The following TECPR1 variants were observed in gnomAD, a reference collection of about 807,000 sequenced individuals.
TECPR1 encodes tectonin beta-propeller repeat-containing protein 1.
TECPR1 carries 122 observed loss-of-function variants against 162.4 expected under a neutral mutation model. That is an observed-to-expected ratio of 0.75 (90% CI 0.65 to 0.87). The LOEUF (loss-of-function observed/expected upper bound fraction) is 0.87. Among genes scored for constraint, TECPR1 ranks in the 40% least tolerant of loss-of-function variants. The probability of loss-of-function intolerance (pLI) is 0.00; values close to 1 mark genes in which losing one functional copy is unlikely to be tolerated. For missense variants in TECPR1, 1,432 were observed against 1,618.2 expected, an observed-to-expected ratio of 0.88 and a Z score of 1.97; for synonymous variants, 642 against 670.6, an observed-to-expected ratio of 0.96 and a Z score of 0.66.
intron 11 of TECPR1, 129 bp downstream of exon 11, chr7:98,233,292 G>A (rs1798498076): frequency 3.2e-6 from 4 of 1,240,468 alleles, no homozygotes; most frequent in South Asian, 2.0e-5. Context: ...CAGAGCTGCT[G>A]AGCACAGTGA....
rs995289371 is a variant in TECPR1, at chr7:98,217,388, C to G, written c.*2G>C. The G allele has an allele frequency of 3.3e-5, 51 of 1,558,736 alleles. No individual in the cohort carries two copies. Among genetic ancestry groups the G allele is most frequent in the Non-Finnish European group, 2.9e-5 (33 of 1,147,424 alleles). On this transcript the variant is annotated 3_prime_UTR_variant, in exon 26 of 26. Coordinates refer to ENST00000447648, the MANE Select transcript of TECPR1 (RefSeq NM_015395.3). ...CCCTGCATGTAGGTGTGTGGGGGGG[C>G]CTCAGCAGCAGACGGGGCCATGGGC...
At chr7:98,250,673 A>C (rs918127432) in intron 2 of TECPR1, among the ~76,000 whole-genome samples, 6 of 152,092 alleles carry the variant, frequency 3.9e-5, no homozygotes, top group African/African-American at 1.2e-4. Context: ...AACAACAACA[A>C]AACAAAGATA....
intron 17 of TECPR1, among the ~76,000 whole-genome samples, chr7:98,226,142 C>T (rs1304044494): frequency 6.6e-6 from 1 of 152,194 alleles, no homozygotes; most frequent in Non-Finnish European, 1.5e-5. Flanking sequence ...CTGCCCTGCC[C>T]TGTCCTCCGT....
chr7:98,224,845 C>A lies in TECPR1; in HGVS notation c.2646G>T (p.Gly882=). ...ACTGCCACCCCTCCTGGTCCGTGCCCCCCGGAACGCTGAAATCCACGAACC... is the reference window on the plus strand; with the variant it reads ...ACTGCCACCCCTCCTGGTCCGTGCCACCCGGAACGCTGAAATCCACGAACC... ...SDWFVDFSVP[G]GTDQEGWQYA... The change falls in exon 19 of 26, where the codon GGG becomes GGT. Residue 882 remains glycine, a synonymous_variant. Transcript: ENST00000447648. 1 of 1,576,172 alleles carries A rather than the reference C, an allele frequency of 6.3e-7. No homozygotes were observed. Among genetic ancestry groups the A allele is most frequent in the Admixed American group, 1.8e-5 (1 of 54,234 alleles).
intron 16 of TECPR1, 121 bp downstream of exon 16, chr7:98,228,918 C>T: frequency 7.3e-7 from 1 of 1,374,984 alleles, no homozygotes; most frequent in Non-Finnish European, 9.7e-7. Flanking sequence ...CACCTGTCAG[C>T]CAGCTGTTAG....
At chr7:98,244,235 T>C (rs1798841212) in intron 5 of TECPR1, among the ~76,000 whole-genome samples, 1 of 152,190 alleles carries the variant, frequency 6.6e-6, no homozygotes, top group South Asian at 2.1e-4. Context: ...TTCTGGGTCA[T>C]GGAGCAACGC....
chr7:98,217,092 CAGAAGGGAGAGG>C lies in TECPR1; in HGVS notation c.*286_*297del, dbSNP rs978598285. 11 of 324,568 alleles carry C rather than the reference CAGAAGGGAGAGG, an allele frequency of 3.4e-5. No homozygotes were observed. The highest frequency in any genetic ancestry group is 5.6e-5 in the Non-Finnish European group (10 of 177,452). The allele number at this position is 324,568 out of a possible 1,614,324, so 20.1% of individuals were successfully genotyped here. Reference sequence around the variant, plus strand: ...GTTCCCGGTTCTAGTCCTGGAAAGGCAGAAGGGAGAGGGGAAGGGAAGGGTGGGAGGGGCCTC... The same window carrying C: ...GTTCCCGGTTCTAGTCCTGGAAAGGCGGAAGGGAAGGGTGGGAGGGGCCTC... On this transcript the variant is annotated 3_prime_UTR_variant, in exon 26 of 26. Transcript: ENST00000447648.
intron 17 of TECPR1, 49 bp downstream of exon 17, chr7:98,227,965 C>G (rs1369110546): frequency 6.6e-7 from 1 of 1,514,744 alleles, no homozygotes; most frequent in Non-Finnish European, 9.0e-7. Flanking sequence ...TTTGCCAGGA[C>G]TAAGGCCTAT....
rs901847680 is a variant in TECPR1 at position 98,231,941 on chromosome 7, C to T, written c.1837G>A (p.Gly613Arg). ...CAGTCGCACCACCACTGCAGCGCCC[C>T]GGTCTTCACCCACACCGACTGCGCA... ...AVEQSVWVKTGALQWWCDWKP... is the reference protein window; with the variant it reads ...AVEQSVWVKTRALQWWCDWKP... Residue 613 changes from glycine (G) to arginine (R), a missense_variant, in exon 13 of 26, where the codon GGG becomes AGG. Coordinates refer to ENST00000447648, the MANE Select transcript of TECPR1 (RefSeq NM_015395.3). 4 of 1,605,718 alleles carry T rather than the reference C, an allele frequency of 2.5e-6. No individual in the cohort carries two copies. The highest frequency in any genetic ancestry group is 1.3e-5 in the African/African-American group (1 of 74,920).
chr7:98,227,065 A>T (rs1173507311), intron 17 of TECPR1, among the ~76,000 whole-genome samples: 2 of 152,152 alleles, frequency 1.3e-5, no homozygotes, highest in Non-Finnish European at 2.9e-5. Context: ...AAAAATATGA[A>T]ATACCGTCTA....
At position 98,214,860 on chromosome 7, in the gene TECPR1, A is replaced by T. The variant is rs1267812300; in HGVS notation, c.*2530T>A. On this transcript the variant is annotated 3_prime_UTR_variant, in exon 26 of 26. Transcript: ENST00000447648. ...CACCTGCACCTCCTCTGCTTCCTAG[A>T]GGGTGACCTGGGCCGAGCCGCCCAG... 1 of 152,366 alleles carries T rather than the reference A, an allele frequency of 6.6e-6. No individual in the cohort carries two copies. Among genetic ancestry groups the T allele is most frequent in the East Asian group, 1.9e-4 (1 of 5,180 alleles). 9.4% of individuals were successfully genotyped at this position (152,366 alleles called of 1,614,324 possible). A position where few individuals can be genotyped will look rare whatever the true frequency, so the allele number is the denominator to read the frequency against.
chr7:98,235,774 G>A (rs538490862), intron 10 of TECPR1, among the ~76,000 whole-genome samples: 2 of 146,054 alleles, frequency 1.4e-5, no homozygotes, highest in African/African-American at 5.1e-5. Flanking sequence ...AGGCTGCAGT[G>A]AGCCATGATC....
At chr7:98,250,682 T>C (rs938233011) in intron 2 of TECPR1, among the ~76,000 whole-genome samples, 2 of 152,136 alleles carry the variant, frequency 1.3e-5, no homozygotes, top group Non-Finnish European at 2.9e-5. Flanking sequence ...AAAACAAAGA[T>C]AGCTCAGAAT....
intron 19 of TECPR1, among the ~76,000 whole-genome samples, chr7:98,224,077 GCCC>G: frequency 6.6e-6 from 1 of 152,158 alleles, no homozygotes; most frequent in Non-Finnish European, 1.5e-5. Context: ...CCCTCCCCAG[GCCC>G]CATCAGAGCC....
At chr7:98,226,734 G>A in intron 17 of TECPR1, 7 of 984,976 alleles carry the variant, frequency 7.1e-6, no homozygotes, top group Non-Finnish European at 8.3e-6. Flanking sequence ...AGGAGTTGGA[G>A]ACCAGCCTCA....
intron 17 of TECPR1, among the ~76,000 whole-genome samples, chr7:98,225,877 C>T (rs1475703520): frequency 2.0e-5 from 3 of 152,132 alleles, no homozygotes; most frequent in African/African-American, 7.2e-5. Context: ...AGGCTGATCT[C>T]GCCTTGTAAA....
chr7:98,222,537 A>G lies in TECPR1; in HGVS notation c.2929-16T>C. ...AGGAGGAGCCCTGGGGATAGCAAGGAGGGGCGCTGAGGTCACCAGGGCCCC... is the reference window on the plus strand; with the variant it reads ...AGGAGGAGCCCTGGGGATAGCAAGGGGGGGCGCTGAGGTCACCAGGGCCCC... On this transcript the variant is annotated splice_polypyrimidine_tract_variant and intron_variant, in intron 21 of 25. Coordinates refer to ENST00000447648, the MANE Select transcript of TECPR1 (RefSeq NM_015395.3). The G allele has an allele frequency of 6.4e-7, 1 of 1,560,054 alleles. No homozygotes were observed. Among genetic ancestry groups the G allele is most frequent in the East Asian group, 2.4e-5 (1 of 41,912 alleles).
In TECPR1 at chr7:98,232,470, A is replaced by C. The variant is rs1798469806; in HGVS notation, c.1818+357T>G. 2.0e-5 allele frequency among the ~76,000 whole-genome samples: 3 copies of C among 151,772 alleles called. No individual in the cohort carries two copies. The highest frequency in any genetic ancestry group is 7.3e-5 in the African/African-American group (3 of 41,370). ...GGGGTCTCCGGCCGCCCTCTGTGCT[A>C]ACTCCTTGCAATCACACGCTACACC... On this transcript the variant is annotated intron_variant, in intron 12 of 25. Coordinates refer to ENST00000447648, the MANE Select transcript of TECPR1 (RefSeq NM_015395.3). The surrounding 1 kb of genome is among the most constrained non-coding windows in gnomAD (Gnocchi z 4.6).
rs778472703 is a variant in TECPR1, at chr7:98,244,978, C to A, written c.315G>T (p.Pro105=). The change falls in exon 4 of 26, where the codon CCG becomes CCT. Residue 105 remains proline, a synonymous_variant. Transcript: ENST00000447648. ...WSDVSGLQHR[P]LDRVALPSPH... is the part of the protein sequence containing the mutation. The stretch of plus-strand genomic sequence containing the variant: ...GCGAGGGCAGTGCCACCCTGTCCAG[C>A]GGCCGGTGCTGGAGCCCACTCACGT... 6.2e-7 allele frequency: 1 copy of A among 1,612,446 alleles called. No individual in the cohort carries two copies.
Sources: allele counts gnomAD v4.1 joint callset (sites outside exome capture counted in the v4.1 genomes callset), GRCh38; gene constraint gnomAD v4.1.1; non-coding constraint Gnocchi (gnomAD v3.1); transcripts MANE v1.5; gene names NCBI Gene and HGNC (gene_info 2026-07-23, HGNC 2026-07-21).